CSRNP3: variants seen among roughly 807,000 people sequenced by gnomAD.
The protein encoded by CSRNP3 is cysteine and serine rich nuclear protein 3.
In CSRNP3, 12 loss-of-function variants were observed where a neutral mutation model predicts 48.0. The observed-to-expected ratio is 0.25, with a 90% CI of 0.16 to 0.41. The LOEUF (loss-of-function observed/expected upper bound fraction) is 0.41, where lower values mean the gene tolerates loss of function less well. CSRNP3 is among the 10% of genes least tolerant of loss of function. The pLI is 1.00. For synonymous variants in CSRNP3, 263 were observed against 269.7 expected (o/e 0.98, Z 0.24); for missense variants, 580 against 724.4 (o/e 0.80, Z 2.29).
At chr2:165,640,364 C>T (rs113591140) in intron 4 of CSRNP3, among the ~76,000 whole-genome samples, 1,706 of 152,272 alleles carry the variant, frequency 0.011, 31 homozygotes, top group African/African-American at 0.039. Context: ...AGGATATGAA[C>T]TAAGTGCTTT....
chr2:165,657,276 A>G (rs1687020603), intron 4 of CSRNP3, among the ~76,000 whole-genome samples: 1 of 152,174 alleles, frequency 6.6e-6, no homozygotes. Flanking sequence ...AGTGATGTTC[A>G]TATATTATTA....
rs564669571 is a variant in CSRNP3 at position 165,579,776 on chromosome 2, G to A, written c.-23-15267G>A. Among the ~76,000 whole-genome samples, 45 of 151,990 alleles carry A rather than the reference G, an allele frequency of 3.0e-4. 1 individual carries two copies. The highest frequency in any genetic ancestry group is 1.0e-3 in the African/African-American group (43 of 41,470). On this transcript the variant is annotated intron_variant, in intron 3 of 6. Transcript: ENST00000651982. ...AAATATTGAATCAATTGATTTAGTC[G>A]CAACGTTTTCCAAAAGAAATTTAGA... is the stretch of plus-strand genomic sequence containing the variant.
At chr2:165,563,453 T>C (rs990029211) in intron 3 of CSRNP3, among the ~76,000 whole-genome samples, 5 of 152,176 alleles carry the variant, frequency 3.3e-5, no homozygotes, top group Non-Finnish European at 7.4e-5. Context: ...CTATAAATCT[T>C]ATCCCACCAT....
At chr2:165,622,399 A>G (rs1248338327) in intron 4 of CSRNP3, among the ~76,000 whole-genome samples, 1 of 152,184 alleles carries the variant, frequency 6.6e-6, no homozygotes, top group Non-Finnish European at 1.5e-5. Flanking sequence ...ATATCTATAT[A>G]TTAGTTTAAC....
intron 3 of CSRNP3, among the ~76,000 whole-genome samples, chr2:165,520,282 C>G (rs768809503): frequency 1.3e-4 from 20 of 152,030 alleles, no homozygotes; most frequent in Non-Finnish European, 2.6e-4. Flanking sequence ...TGGTTCTGAG[C>G]ACAGGAGTCT....
At chr2:165,608,474 A>G (rs1045049212) in intron 4 of CSRNP3, among the ~76,000 whole-genome samples, 7 of 152,194 alleles carry the variant, frequency 4.6e-5, no homozygotes, top group African/African-American at 1.4e-4. Flanking sequence ...AAGAATTAAG[A>G]GCTGGAAGGA....
chr2:165,571,890 A>G (rs1232181217), intron 3 of CSRNP3, among the ~76,000 whole-genome samples: 1 of 152,092 alleles, frequency 6.6e-6, no homozygotes, highest in African/African-American at 2.4e-5. Flanking sequence ...AATTGAGGAT[A>G]TTTTGAAGGA....
At chr2:165,574,189 G>A (rs1374075536) in intron 3 of CSRNP3, 3 of 507,164 alleles carry the variant, frequency 5.9e-6, no homozygotes, top group African/African-American at 4.0e-5. Flanking sequence ...TCAGCTGCTG[G>A]AGGACTGCCT....
At chr2:165,477,485 T>A (rs1683978593) in intron 1 of CSRNP3, among the ~76,000 whole-genome samples, 2 of 120,676 alleles carry the variant, frequency 1.7e-5, no homozygotes, top group Admixed American at 9.0e-5. Context: ...ATATATGAAA[T>A]ATATATATAT....
intron 5 of CSRNP3, among the ~76,000 whole-genome samples, chr2:165,675,453 A>G (rs538647721): frequency 4.1e-4 from 62 of 152,206 alleles, no homozygotes; most frequent in Non-Finnish European, 8.7e-4. Context: ...TTTTTTATGA[A>G]GGAAACATAA....
intron 3 of CSRNP3, among the ~76,000 whole-genome samples, chr2:165,529,914 G>A (rs1476501056): frequency 2.0e-5 from 3 of 152,298 alleles, no homozygotes; most frequent in East Asian, 1.9e-4. Flanking sequence ...AACTTGATGT[G>A]TATGAGAGTT....
At chr2:165,486,636 C>CCCTGACT (rs1684123746) in intron 1 of CSRNP3, among the ~76,000 whole-genome samples, 1 of 57,810 alleles carries the variant, frequency 1.7e-5, no homozygotes, top group Non-Finnish European at 3.6e-5. Flanking sequence ...GGTCCCTGAC[C>CCCTGACT]CCTGACCCCC....
intron 3 of CSRNP3, among the ~76,000 whole-genome samples, chr2:165,564,208 A>T (rs1335335920): frequency 6.6e-6 from 1 of 152,162 alleles, no homozygotes; most frequent in African/African-American, 2.4e-5. Context: ...TATGGTATCA[A>T]GTTTCAAATT....
chr2:165,533,699 CT>C (rs1186486004), intron 3 of CSRNP3, among the ~76,000 whole-genome samples: 3 of 151,978 alleles, frequency 2.0e-5, no homozygotes, highest in Non-Finnish European at 4.4e-5. Flanking sequence ...AATGATATTT[CT>C]TTTTTTCTAT....
At chr2:165,580,994 A>G (rs750556072) in intron 3 of CSRNP3, among the ~76,000 whole-genome samples, 1 of 152,076 alleles carries the variant, frequency 6.6e-6, no homozygotes, top group Non-Finnish European at 1.5e-5. Context: ...TTTTGTTGTT[A>G]TGGAGGGAAA....
chr2:165,475,146 G>C (rs1464087), intron 1 of CSRNP3, among the ~76,000 whole-genome samples: 1 of 151,760 alleles, frequency 6.6e-6, no homozygotes, highest in African/African-American at 2.4e-5. Context: ...TGGTGTCAGC[G>C]TTTTAAAGCA....
At chr2:165,495,923 C>G (rs968558902) in intron 2 of CSRNP3, among the ~76,000 whole-genome samples, 1 of 151,756 alleles carries the variant, frequency 6.6e-6, no homozygotes, top group Non-Finnish European at 1.5e-5. Flanking sequence ...TGTAGCAAGC[C>G]GATATGGCAC....
intron 1 of CSRNP3, among the ~76,000 whole-genome samples, chr2:165,473,795 G>A (rs1219745302): frequency 6.6e-6 from 1 of 152,030 alleles, no homozygotes; most frequent in African/African-American, 2.4e-5. Flanking sequence ...ATATTATAAT[G>A]GCCTAAATTG....
chr2:165,536,853 A>T (rs990692636), intron 3 of CSRNP3, among the ~76,000 whole-genome samples: 9 of 151,908 alleles, frequency 5.9e-5, no homozygotes, highest in African/African-American at 2.2e-4. Flanking sequence ...TTGTGTTTTC[A>T]ATTAAATAGA....
Sources: gnomAD v4.1 joint callset for allele counts (sites outside exome capture counted in the v4.1 genomes callset) on GRCh38, gnomAD v4.1.1 for gene constraint, MANE v1.5 for transcripts, NCBI Gene and HGNC (gene_info 2026-07-23, HGNC 2026-07-21) for gene names.